The following GJB1 variants were observed in gnomAD, a reference collection of about 807,000 sequenced individuals.
The protein encoded by GJB1 is gap junction protein beta 1, also known as gap junction beta-1 protein.
A neutral mutation model predicts 12.0 loss-of-function variants in GJB1; 1 was observed. The ratio of observed to expected loss-of-function variants is 0.08; its 90% CI spans 0.03 to 0.40. GJB1 has a LOEUF of 0.40. Among genes scored for constraint, GJB1 ranks in the 10% least tolerant of loss-of-function variants. GJB1 has a pLI of 0.98. For missense variants in GJB1, 140 were observed against 250.3 expected (o/e 0.56, Z 2.97); for synonymous variants, 114 against 102.8 (o/e 1.11, Z -0.66).
At chrX:71,223,001 A>G (rs1448471815), upstream of GJB1, among the ~76,000 whole-genome samples, 1 of 110,907 alleles carries the variant, frequency 9.0e-6, no homozygotes, top group African/African-American at 3.3e-5. Flanking sequence ...CCCCGTGGCC[A>G]TTCTTCTGGT....
chrX:71,220,885 CTTTCCTTTTTT>C (rs2092536249), upstream of GJB1, among the ~76,000 whole-genome samples: 2 of 66,541 alleles, frequency 3.0e-5, no homozygotes, highest in Admixed American at 2.1e-4. Context: ...TTCTTTGTTT[CTTTCCTTTTTT>C]TTTTTTTTTT....
Position 71,224,001 on chromosome X carries a change from G to C in GJB1, c.294G>C (p.Gln98His). 8.3e-7 allele frequency: 1 copy of C among 1,202,778 alleles called. No individual in the cohort carries two copies. The highest frequency in any genetic ancestry group is 1.1e-6 in the Non-Finnish European group (1 of 890,233). The change falls in exon 2 of 2, where the codon CAG (glutamine) becomes CAC (histidine). Residue 98 changes from glutamine (Q) to histidine (H), a missense_variant. Physicochemically the swap from Gln to His is conservative, Grantham distance 24. Around this residue, in one of 4 missense-constraint regions of GJB1, gnomAD observed 49 missense variants for 104.5 expected, o/e 0.47. Transcript: ENST00000361726. ...TCGTGGCCATGCACGTGGCTCACCA[G>C]CAACACATAGAGAAGAAAATGCTAC... ...ALLVAMHVAHQQHIEKKMLRL... is the reference protein window; with the variant it reads ...ALLVAMHVAHHQHIEKKMLRL...
chrX:71,219,497 C>T (rs1462405822), upstream of GJB1, among the ~76,000 whole-genome samples: 5 of 108,090 alleles, frequency 4.6e-5, no homozygotes, highest in Non-Finnish European at 9.6e-5. Flanking sequence ...AGGGGCCAGG[C>T]GCGGTGGCTC....
chrX:71,220,847 A>T (rs2092536054), upstream of GJB1, among the ~76,000 whole-genome samples: 1 of 100,014 alleles, frequency 1.0e-5, no homozygotes, highest in Non-Finnish European at 2.0e-5. Flanking sequence ...AGTGTAACAC[A>T]TCTCACCACC....
chrX:71,222,953 C>T (rs1432361501), upstream of GJB1, among the ~76,000 whole-genome samples: 3 of 111,075 alleles, frequency 2.7e-5, no homozygotes, highest in African/African-American at 9.8e-5. Context: ...CCCCTCTTCA[C>T]ATCCACCTGC....
chrX:71,223,863 C>T lies in GJB1; in HGVS notation c.156C>T (p.Ile52=), dbSNP rs2092542946. 1.7e-6 allele frequency: 2 copies of T among 1,210,559 alleles called. No individual in the cohort carries two copies. The highest frequency in any genetic ancestry group is 2.2e-6 in the Non-Finnish European group (2 of 894,549). The change falls in exon 2 of 2, where the codon ATC becomes ATT. Residue 52 remains isoleucine, a synonymous_variant. Coordinates refer to ENST00000361726, the MANE Select transcript of GJB1 (RefSeq NM_000166.6). Reference sequence around the variant, plus strand: ...GGGGTGATGAGAAATCTTCCTTCATCTGCAACACACTCCAGCCTGGCTGCA... The same window carrying T: ...GGGGTGATGAGAAATCTTCCTTCATTTGCAACACACTCCAGCCTGGCTGCA... ...SVWGDEKSSF[I]CNTLQPGCNS...
At chrX:71,220,519 T>G (rs1190856001), upstream of GJB1, among the ~76,000 whole-genome samples, 1 of 106,251 alleles carries the variant, frequency 9.4e-6, no homozygotes, top group African/African-American at 3.5e-5. Flanking sequence ...TTTGTTCGTC[T>G]TTTCCGAGAC....
In GJB1 at chrX:71,224,678, T is replaced by C. The variant is rs897752511; in HGVS notation, c.*119T>C. 4.7e-5 allele frequency: 31 copies of C among 656,588 alleles called. No individual in the cohort carries two copies. Among genetic ancestry groups the C allele is most frequent in the Non-Finnish European group, 6.9e-5 (29 of 417,380 alleles). The allele number at this position is 656,588 out of a possible 1,213,427, so 54.1% of individuals were successfully genotyped here. A position where few individuals can be genotyped will look rare whatever the true frequency, so the allele number is the denominator to read the frequency against. On this transcript the variant is annotated 3_prime_UTR_variant, in exon 2 of 2. Transcript: ENST00000361726. ...GGGGATTACTCGATCAAAACCTTCC[T>C]TCCCTGGCTACTTCCCTTCCTCCCG...
chrX:71,218,489 C>A (rs903179842), upstream of GJB1, among the ~76,000 whole-genome samples: 4 of 97,059 alleles, frequency 4.1e-5, no homozygotes, highest in Non-Finnish European at 8.2e-5. Flanking sequence ...ATGTGCTCTG[C>A]GAGAATCACT....
At chrX:71,220,141 C>CTTTT (rs1569213982), upstream of GJB1, among the ~76,000 whole-genome samples, 3 of 69,469 alleles carry the variant, frequency 4.3e-5, no homozygotes, top group African/African-American at 3.0e-4. Flanking sequence ...CTGTGCCTGG[C>CTTTT]CTTTTTTTTT....
intron 1 of GJB1, among the ~76,000 whole-genome samples, chrX:71,216,436 G>A (rs1475113658): frequency 9.0e-6 from 1 of 110,554 alleles, no homozygotes; most frequent in Non-Finnish European, 1.9e-5. Context: ...CTCAGCTTCT[G>A]TTAGCCTTCA....
chrX:71,218,837 G>T (rs1345943428), upstream of GJB1, among the ~76,000 whole-genome samples: 1 of 107,016 alleles, frequency 9.3e-6, no homozygotes, highest in East Asian at 2.9e-4. Context: ...AGTGAGCCGA[G>T]ATCGCGCCAC....
At chrX:71,221,016 C>T (rs1344282385), upstream of GJB1, among the ~76,000 whole-genome samples, 1 of 106,191 alleles carries the variant, frequency 9.4e-6, no homozygotes, top group Non-Finnish European at 1.9e-5. Context: ...CCTGCCTCAG[C>T]CTCCCAAGTA....
At chrX:71,219,148 GTCT>G (rs1444511361), upstream of GJB1, among the ~76,000 whole-genome samples, 1 of 92,252 alleles carries the variant, frequency 1.1e-5, no homozygotes, top group Non-Finnish European at 2.1e-5. Context: ...TGTTGAGGTG[GTCT>G]TATTATTATT....
chrX:71,218,548 C>G (rs1231995798), upstream of GJB1, among the ~76,000 whole-genome samples: 3 of 109,125 alleles, frequency 2.7e-5, no homozygotes, highest in African/African-American at 1.0e-4. Flanking sequence ...CGCCACTGCA[C>G]TTCAGCCTGG....
rs2092541241 is a variant in GJB1, at chrX:71,223,345, C to A, written c.-17+10C>A. On this transcript the variant is annotated intron_variant, in intron 1 of 1. Coordinates refer to ENST00000361726, the MANE Select transcript of GJB1 (RefSeq NM_000166.6). The stretch of plus-strand genomic sequence containing the variant: ...ATAGGCGCTCCCCAAGGTAAGAGGG[C>A]TTTGTTGAGTTTGCCCCAGGTCTGG... The A allele has an allele frequency of 3.2e-6, 1 of 314,895 alleles. No homozygotes were observed. 26.0% of individuals were successfully genotyped at this position (314,895 alleles called of 1,213,427 possible). A position where few individuals can be genotyped will look rare whatever the true frequency, so the allele number is the denominator to read the frequency against.
At position 71,224,805 on chromosome X, in the gene GJB1, T is replaced by G; in HGVS notation, c.*246T>G. ...TGGGCTGCCCTTGTTGCCTGCACCC[T>G]TCCCTCTTCCCTCTCCCTCTCTCTG... On this transcript the variant is annotated 3_prime_UTR_variant, in exon 2 of 2. Coordinates refer to ENST00000361726, the MANE Select transcript of GJB1 (RefSeq NM_000166.6). 4.6e-6 allele frequency: 2 copies of G among 435,688 alleles called. No individual in the cohort carries two copies. Among genetic ancestry groups the G allele is most frequent in the Non-Finnish European group, 8.3e-6 (2 of 241,869 alleles). The allele number at this position is 435,688 out of a possible 1,213,427, so 35.9% of individuals were successfully genotyped here. A position where few individuals can be genotyped will look rare whatever the true frequency, so the allele number is the denominator to read the frequency against.
intron 1 of GJB1, among the ~76,000 whole-genome samples, chrX:71,215,570 G>A (rs2092524490): frequency 8.9e-6 from 1 of 111,914 alleles, no homozygotes; most frequent in Non-Finnish European, 1.9e-5. Context: ...CAGATTCTCA[G>A]GAAGACTTGA....
intron 1 of GJB1, among the ~76,000 whole-genome samples, chrX:71,217,137 T>C (rs190985467): frequency 0.046 from 5,043 of 108,690 alleles, 165 homozygotes; most frequent in Non-Finnish European, 0.077. Context: ...TGTGTGTGTG[T>C]GTGCGTGTGC....
Sources: gnomAD v4.1 joint callset for allele counts (sites outside exome capture counted in the v4.1 genomes callset) on GRCh38, gnomAD v4.1.1 for gene constraint, gnomAD v4.1.1 regional missense constraint, MANE v1.5 for transcripts, NCBI Gene and HGNC (gene_info 2026-07-23, HGNC 2026-07-21) for gene names.